The following NCOA3 variants were observed in gnomAD, a reference collection of about 807,000 sequenced individuals.
The protein encoded by NCOA3 is CBP-interacting protein.
A neutral mutation model predicts 158.8 loss-of-function variants in NCOA3; 51 were observed. The observed-to-expected ratio is 0.32, with a 90% CI of 0.26 to 0.41. NCOA3 has a LOEUF of 0.41. Among genes scored for constraint, NCOA3 ranks in the 10% least tolerant of loss-of-function variants. The pLI, the probability that NCOA3 is intolerant of heterozygous loss-of-function variation, is 1.00. For synonymous variants in NCOA3, 537 were observed against 592.4 expected (o/e 0.91, Z 1.36); for missense variants, 1,510 against 1,746.6 (o/e 0.86, Z 2.41).
At chr20:47,520,061 CAAAAAAAAAAAAAAAAAAA>C (rs35406814) in intron 1 of NCOA3, among the ~76,000 whole-genome samples, 2 of 32,886 alleles carry the variant, frequency 6.1e-5, no homozygotes, top group African/African-American at 2.5e-4. Flanking sequence ...TGTGCCTGGC[CAAAAAAAAAAAAAAAAAAA>C]AAAAAAAAAA....
chr20:47,562,943 GC>G (rs2085131465), intron 1 of NCOA3, among the ~76,000 whole-genome samples: 1 of 152,124 alleles, frequency 6.6e-6, no homozygotes, highest in Admixed American at 6.5e-5. Flanking sequence ...ATGAGGTCTT[GC>G]TATGTTGGCC....
intron 2 of NCOA3, among the ~76,000 whole-genome samples, chr20:47,618,013 G>T (rs2086167290): frequency 6.6e-6 from 1 of 152,178 alleles, no homozygotes; most frequent in Admixed American, 6.5e-5. Flanking sequence ...GACGTGGGCA[G>T]ATCAGTTGAG....
chr20:47,640,961 T>G (rs1435146945), intron 16 of NCOA3, among the ~76,000 whole-genome samples: 2 of 152,096 alleles, frequency 1.3e-5, no homozygotes, highest in Non-Finnish European at 2.9e-5. Flanking sequence ...CAAGAGGCCA[T>G]GGTCAATGTC....
chr20:47,611,851 C>T (rs1268747791), intron 2 of NCOA3, among the ~76,000 whole-genome samples: 1 of 151,994 alleles, frequency 6.6e-6, no homozygotes, highest in Non-Finnish European at 1.5e-5. Flanking sequence ...AGACCAGGGT[C>T]TCACTCCCTT....
intron 1 of NCOA3, among the ~76,000 whole-genome samples, chr20:47,570,939 T>C (rs1079917): frequency 0.52 from 58,545 of 113,388 alleles, 15,690 homozygotes; most frequent in East Asian, 0.8. Flanking sequence ...GTAATATATA[T>C]ACACACACAC....
At chr20:47,559,918 C>G (rs748961241) in intron 1 of NCOA3, among the ~76,000 whole-genome samples, 5 of 151,522 alleles carry the variant, frequency 3.3e-5, no homozygotes, top group Non-Finnish European at 7.4e-5. Context: ...TCCCAAAGTG[C>G]TAGGATTACA....
At chr20:47,528,974 T>G (rs2084501730) in intron 1 of NCOA3, among the ~76,000 whole-genome samples, 1 of 151,506 alleles carries the variant, frequency 6.6e-6, no homozygotes, top group Non-Finnish European at 1.5e-5. Flanking sequence ...TCCACGTTGG[T>G]CAGGCTGGTC....
At chr20:47,546,775 C>T (rs1481175394) in intron 1 of NCOA3, among the ~76,000 whole-genome samples, 2 of 152,062 alleles carry the variant, frequency 1.3e-5, no homozygotes, top group African/African-American at 4.8e-5. Flanking sequence ...AGGTGATCTT[C>T]CCGCCCTGGC....
intron 1 of NCOA3, among the ~76,000 whole-genome samples, chr20:47,526,517 G>T (rs577139904): frequency 2.0e-5 from 3 of 152,234 alleles, no homozygotes; most frequent in African/African-American, 4.8e-5. Flanking sequence ...CCTGCACCTC[G>T]GGAGGCCGAG....
chr20:47,639,628 G>A lies in NCOA3; in HGVS notation c.2759G>A (p.Trp920Ter). The A allele has an allele frequency of 6.2e-7, 1 of 1,613,856 alleles. No homozygotes were observed. Among genetic ancestry groups the A allele is most frequent in the Non-Finnish European group, 8.5e-7 (1 of 1,179,860 alleles). Reference protein sequence around the residue: ...TVTQTPSSGDWGLPNSKAGRM... With the variant: ...TVTQTPSSGD Reference sequence around the variant, plus strand: ...ACTCAGACTCCTTCCTCAGGAGACTGGGGCTTACCAAACTCAAAGGCCGGC... The same window carrying A: ...ACTCAGACTCCTTCCTCAGGAGACTAGGGCTTACCAAACTCAAAGGCCGGC... Residue 920 changes from tryptophan (W) to a stop codon, truncating the protein, a stop_gained, in exon 15 of 23, where the codon TGG becomes TAG. Transcript: ENST00000371998. LOFTEE classifies it high-confidence loss of function.
intron 5 of NCOA3, 25 bp downstream of exon 5, chr20:47,625,506 C>A: frequency 6.8e-7 from 1 of 1,469,372 alleles, no homozygotes; most frequent in Non-Finnish European, 9.5e-7. Context: ...TTTAACTGTC[C>A]AGTAGGCTGT....
chr20:47,566,154 C>T lies in NCOA3; in HGVS notation c.-98-17029C>T, dbSNP rs187295927. Among the ~76,000 whole-genome samples the T allele has an allele frequency of 2.8e-4, 42 of 152,102 alleles. 1 individual carries two copies. In the East Asian group the frequency reaches 2.9e-3, roughly 11 times the overall value. Reference sequence around the variant, plus strand: ...GCCAGGCTGGTCTCGAACTCCAGACCTCAAGTGATCCACCTGCCTCGGCCT... The same window carrying T: ...GCCAGGCTGGTCTCGAACTCCAGACTTCAAGTGATCCACCTGCCTCGGCCT... On this transcript the variant is annotated intron_variant, in intron 1 of 22. Transcript: ENST00000371998.
chr20:47,533,015 G>T (rs1240592917), intron 1 of NCOA3, among the ~76,000 whole-genome samples: 1 of 142,554 alleles, frequency 7.0e-6, no homozygotes, highest in Non-Finnish European at 1.5e-5. Flanking sequence ...CTGAGGCAGA[G>T]AATTGCTTGA....
intron 1 of NCOA3, among the ~76,000 whole-genome samples, chr20:47,571,584 A>AT (rs35340346): frequency 2.7e-5 from 4 of 150,276 alleles, no homozygotes; most frequent in East Asian, 2.0e-4. Flanking sequence ...AATATTTTGA[A>AT]TTTTTTTTTG....
chr20:47,622,489 G>T (rs539095536), intron 3 of NCOA3, among the ~76,000 whole-genome samples, 159 bp downstream of exon 3: 5 of 152,258 alleles, frequency 3.3e-5, no homozygotes, highest in Admixed American at 6.5e-5. Context: ...TCTTTTTGAT[G>T]TAATAGAAGT....
chr20:47,537,310 T>C (rs940258086), intron 1 of NCOA3, among the ~76,000 whole-genome samples: 18 of 152,102 alleles, frequency 1.2e-4, no homozygotes, highest in African/African-American at 4.3e-4. Flanking sequence ...AAAGAACTTA[T>C]CAGAGAAGTA....
At chr20:47,649,999 A>G (rs2086756351) in intron 19 of NCOA3, among the ~76,000 whole-genome samples, 1 of 151,032 alleles carries the variant, frequency 6.6e-6, no homozygotes, top group Non-Finnish European at 1.5e-5. Context: ...TCTGAGTATA[A>G]CCCCATCTTA....
intron 1 of NCOA3, among the ~76,000 whole-genome samples, chr20:47,573,107 A>G (rs2085319037): frequency 1.3e-5 from 2 of 152,142 alleles, no homozygotes; most frequent in African/African-American, 2.4e-5. Context: ...ATTGAAGAAC[A>G]CTGATCGCAG....
Position 47,656,728 on chromosome 20 carries a change from AC to A in NCOA3, c.*3312del, listed in dbSNP as rs2086883073. The A allele has an allele frequency of 6.6e-6, 1 of 152,588 alleles. No homozygotes were observed. Among genetic ancestry groups the A allele is most frequent in the African/African-American group, 2.4e-5 (1 of 41,444 alleles). The allele number at this position is 152,588 out of a possible 1,614,324, so 9.5% of individuals were successfully genotyped here. ...AATGAATTCAGTTTCAATCAAGTTTACATTATGTTGCTTAAAAAAATAGAAA... is the reference window on the plus strand; with the variant it reads ...AATGAATTCAGTTTCAATCAAGTTTAATTATGTTGCTTAAAAAAATAGAAA... On this transcript the variant is annotated 3_prime_UTR_variant, in exon 23 of 23. Transcript: ENST00000371998.
Sources: gnomAD v4.1 joint callset for allele counts (sites outside exome capture counted in the v4.1 genomes callset) on GRCh38, gnomAD v4.1.1 for gene constraint, MANE v1.5 for transcripts, NCBI Gene and HGNC (gene_info 2026-07-23, HGNC 2026-07-21) for gene names.